The following COL25A1 variants were observed in gnomAD, a reference collection of about 807,000 sequenced individuals.
COL25A1 encodes collagen type XXV alpha 1 chain, also known as collagen alpha-1(XXV) chain.
A neutral mutation model predicts 128.4 loss-of-function variants in COL25A1; 103 were observed. The ratio of observed to expected loss-of-function variants is 0.80; its 90% CI spans 0.68 to 0.94. The LOEUF is 0.94. COL25A1 is among the 40% of genes least tolerant of loss of function. COL25A1 has a pLI of 0.00. For missense variants in COL25A1, 745 were observed against 840.0 expected (o/e 0.89, Z 1.40); for synonymous variants, 279 against 277.2 (o/e 1.01, Z -0.06).
intron 3 of COL25A1, among the ~76,000 whole-genome samples, chr4:109,216,543 A>G (rs1347710980): frequency 6.6e-6 from 1 of 152,128 alleles, no homozygotes; most frequent in Non-Finnish European, 1.5e-5. Context: ...TCATCCTTAT[A>G]AAAAGAAAAG....
chr4:108,985,456 G>A (rs1428196199), intron 6 of COL25A1, among the ~76,000 whole-genome samples: 2 of 152,186 alleles, frequency 1.3e-5, no homozygotes, highest in African/African-American at 4.8e-5. Flanking sequence ...GCATAGAAAG[G>A]AAGTTGAATT....
intron 14 of COL25A1, among the ~76,000 whole-genome samples, chr4:108,899,836 C>A (rs115282057): frequency 1.1e-3 from 173 of 152,080 alleles, no homozygotes; most frequent in Non-Finnish European, 1.8e-3. Context: ...AAAATGATGA[C>A]CTGGATAGCA....
chr4:108,994,565 T>A (rs964300715), intron 6 of COL25A1, among the ~76,000 whole-genome samples: 1 of 152,198 alleles, frequency 6.6e-6, no homozygotes, highest in Non-Finnish European at 1.5e-5. Context: ...GCAGACAGCT[T>A]CTACAGACTT....
intron 6 of COL25A1, among the ~76,000 whole-genome samples, chr4:108,976,398 T>C (rs1752450776): frequency 6.6e-6 from 1 of 152,250 alleles, no homozygotes; most frequent in Non-Finnish European, 1.5e-5. Context: ...TGATGCTACG[T>C]ATGTGGCTCT....
chr4:108,817,381 A>T lies in COL25A1; in HGVS notation c.1962+16T>A. 1 of 1,612,618 alleles carries T rather than the reference A, an allele frequency of 6.2e-7. No homozygotes were observed. The highest frequency in any genetic ancestry group is 8.5e-7 in the Non-Finnish European group (1 of 1,178,778). On this transcript the variant is annotated intron_variant, in intron 37 of 37. Transcript: ENST00000399132. ...GGGAGAGTGCTTCTTTTGAGAAATT[A>T]TTCAGTAAAGCCTACCTTTTGCCAA... is the stretch of plus-strand genomic sequence containing the variant.
intron 6 of COL25A1, among the ~76,000 whole-genome samples, chr4:109,006,893 C>T (rs545962882): frequency 1.3e-5 from 2 of 152,026 alleles, no homozygotes; most frequent in Non-Finnish European, 2.9e-5. Flanking sequence ...GAGCAACACA[C>T]ATTGGGCACC....
chr4:108,868,680 GGAAGGGAAGC>G (rs1455902278), intron 20 of COL25A1, among the ~76,000 whole-genome samples: 5 of 141,700 alleles, frequency 3.5e-5, no homozygotes, highest in South Asian at 4.6e-4. Context: ...GGAAGGAAAG[GGAAGGGAAGC>G]GAAGGGAAGG....
chr4:108,816,308 G>T (rs1731245607), intron 37 of COL25A1, among the ~76,000 whole-genome samples: 1 of 152,146 alleles, frequency 6.6e-6, no homozygotes, highest in Non-Finnish European at 1.5e-5. Flanking sequence ...AAGGTAAGAG[G>T]CAACTAGGAG....
chr4:108,936,969 C>T (rs1021995899), intron 11 of COL25A1, among the ~76,000 whole-genome samples: 5 of 152,022 alleles, frequency 3.3e-5, no homozygotes, highest in African/African-American at 1.2e-4. Context: ...TGAACATCTG[C>T]ATGCTGCATG....
intron 13 of COL25A1, among the ~76,000 whole-genome samples, chr4:108,911,802 GTTTT>G (rs61235488): frequency 1.6e-5 from 2 of 124,394 alleles, no homozygotes; most frequent in Non-Finnish European, 1.7e-5. Context: ...TTGCTTCGCT[GTTTT>G]TTTTTTTTTT....
At chr4:109,292,120 C>A (rs74888001) in intron 3 of COL25A1, among the ~76,000 whole-genome samples, 1 of 151,706 alleles carries the variant, frequency 6.6e-6, no homozygotes, top group African/African-American at 2.4e-5. Flanking sequence ...TTGGAGATGC[C>A]TCAGGGGCCA....
intron 31 of COL25A1, among the ~76,000 whole-genome samples, chr4:108,841,050 G>T (rs1241815254): frequency 6.6e-6 from 1 of 152,200 alleles, no homozygotes; most frequent in East Asian, 1.9e-4. Context: ...TAATCTGCCA[G>T]GATGTCCTCG....
chr4:109,290,707 C>T (rs1724387917), intron 3 of COL25A1, among the ~76,000 whole-genome samples: 1 of 151,926 alleles, frequency 6.6e-6, no homozygotes, highest in South Asian at 2.1e-4. Context: ...TTCCCTGGGC[C>T]ACATTGGAAG....
At chr4:109,089,659 A>G (rs12643077) in intron 3 of COL25A1, among the ~76,000 whole-genome samples, 35,142 of 151,964 alleles carry the variant, frequency 0.23, 5,242 homozygotes, top group African/African-American at 0.41. Flanking sequence ...TGGCTGGAGT[A>G]CAATGGCATG....
intron 3 of COL25A1, among the ~76,000 whole-genome samples, chr4:109,105,808 T>C (rs1766374900): frequency 6.6e-6 from 1 of 152,224 alleles, no homozygotes; most frequent in African/African-American, 2.4e-5. Context: ...CATCCTCTTC[T>C]GCAAACTTTA....
intron 3 of COL25A1, among the ~76,000 whole-genome samples, chr4:109,288,547 C>G (rs1463762176): frequency 6.6e-6 from 1 of 151,684 alleles, no homozygotes; most frequent in Non-Finnish European, 1.5e-5. Context: ...AGGGTGGTTC[C>G]CTGGAAGTAC....
chr4:108,986,075 T>A (rs1489323321), intron 6 of COL25A1, among the ~76,000 whole-genome samples: 1 of 152,214 alleles, frequency 6.6e-6, no homozygotes, highest in Non-Finnish European at 1.5e-5. Context: ...TCCTATAGAT[T>A]TCATTTTCCA....
chr4:109,198,503 CT>C (rs1776304987), intron 3 of COL25A1, among the ~76,000 whole-genome samples: 1 of 152,136 alleles, frequency 6.6e-6, no homozygotes, highest in South Asian at 2.1e-4. Flanking sequence ...CTTAAATTTA[CT>C]GATAACCAGG....
rs1302521633 is a variant in COL25A1 at position 108,825,368 on chromosome 4, CTG to C, written c.1765-148_1765-147del. On this transcript the variant is annotated intron_variant, in intron 33 of 37. Coordinates refer to ENST00000399132, the MANE Select transcript of COL25A1 (RefSeq NM_198721.4). ...AAAAGATTCTCATTTGGATTAGTGA[CTG>C]TTAGTGTTGCAGTTAAGGGTCATGA... 5 of 701,204 alleles carry C rather than the reference CTG, an allele frequency of 7.1e-6. No individual in the cohort carries two copies. The African/African-American group carries it at 9.0e-5, about 13-fold the overall frequency. 43.4% of individuals were successfully genotyped at this position (701,204 alleles called of 1,614,324 possible). A position where few individuals can be genotyped will look rare whatever the true frequency, so the allele number is the denominator to read the frequency against.
Sources: allele counts gnomAD v4.1 joint callset (sites outside exome capture counted in the v4.1 genomes callset), GRCh38; gene constraint gnomAD v4.1.1; transcripts MANE v1.5; gene names NCBI Gene and HGNC (gene_info 2026-07-23, HGNC 2026-07-21).